PACRG: variants seen among roughly 807,000 people sequenced by gnomAD.
The protein encoded by PACRG is parkin coregulated gene protein.
Under a neutral mutation model 29.7 loss-of-function variants are expected in PACRG, and 29 were observed. The ratio of observed to expected loss-of-function variants is 0.98; its 90% CI spans 0.73 to 1.33. The LOEUF (loss-of-function observed/expected upper bound fraction) is 1.33. Ranked by LOEUF, PACRG falls within the 40% of genes most tolerant of loss-of-function variation. PACRG has a pLI of 0.00. For missense variants in PACRG, 279 were observed against 316.2 expected (o/e 0.88, Z 0.89); for synonymous variants, 116 against 118.7 (o/e 0.98, Z 0.15).
At chr6:163,195,274 T>C (rs1246569127) in intron 4 of PACRG, among the ~76,000 whole-genome samples, 1 of 152,216 alleles carries the variant, frequency 6.6e-6, no homozygotes, top group East Asian at 1.9e-4. Flanking sequence ...TGGCTAATTG[T>C]TTATTTCATT....
At chr6:162,885,274 TTTAA>T (rs746073059) in intron 2 of PACRG, among the ~76,000 whole-genome samples, 12 of 151,854 alleles carry the variant, frequency 7.9e-5, no homozygotes, top group Non-Finnish European at 1.5e-4. Context: ...CTCTTTTTTT[TTTAA>T]TTATTTTTTG....
intron 2 of PACRG, among the ~76,000 whole-genome samples, chr6:162,945,289 T>C (rs1386870704): frequency 6.6e-6 from 1 of 151,954 alleles, no homozygotes; most frequent in Non-Finnish European, 1.5e-5. Context: ...AAGACACATA[T>C]AGACTGCCAG....
At chr6:163,163,456 G>C (rs912231658) in intron 4 of PACRG, among the ~76,000 whole-genome samples, 1 of 152,108 alleles carries the variant, frequency 6.6e-6, no homozygotes, top group Non-Finnish European at 1.5e-5. Flanking sequence ...ATTTTTAGTA[G>C]AGGCAGGGTT....
At chr6:163,194,199 C>T (rs181151678) in intron 4 of PACRG, among the ~76,000 whole-genome samples, 9 of 152,236 alleles carry the variant, frequency 5.9e-5, no homozygotes, top group East Asian at 1.9e-4. Context: ...GTTCTGCGCC[C>T]GATTACACAT....
At chr6:162,790,799 T>G (rs1784871821) in intron 1 of PACRG, among the ~76,000 whole-genome samples, 1 of 152,220 alleles carries the variant, frequency 6.6e-6, no homozygotes, top group African/African-American at 2.4e-5. Context: ...TTGATCCCGC[T>G]ATGTATCAAA....
chr6:162,784,754 A>T (rs1248670097), intron 1 of PACRG, among the ~76,000 whole-genome samples: 1 of 152,196 alleles, frequency 6.6e-6, no homozygotes, highest in Admixed American at 6.5e-5. Flanking sequence ...AGGCAGACTC[A>T]GTGCTCACTG....
chr6:163,243,704 A>C (rs555762672), intron 4 of PACRG, among the ~76,000 whole-genome samples: 1 of 152,206 alleles, frequency 6.6e-6, no homozygotes, highest in Non-Finnish European at 1.5e-5. Flanking sequence ...AGATGCTTAG[A>C]GTCTAAAAAA....
chr6:162,731,859 G>A (rs2128248783), intron 1 of PACRG, among the ~76,000 whole-genome samples: 1 of 152,194 alleles, frequency 6.6e-6, no homozygotes, highest in South Asian at 2.1e-4. Flanking sequence ...TAATTAAGAT[G>A]GAAGTTGTTT....
intron 4 of PACRG, among the ~76,000 whole-genome samples, chr6:163,168,724 A>C (rs1778934815): frequency 2.0e-5 from 3 of 152,208 alleles, no homozygotes; most frequent in African/African-American, 7.2e-5. Context: ...GAACAAATTT[A>C]AAGTTCTTTT....
intron 4 of PACRG, among the ~76,000 whole-genome samples, chr6:163,289,094 G>T (rs1784493000): frequency 6.6e-6 from 1 of 152,288 alleles, no homozygotes; most frequent in African/African-American, 2.4e-5. Flanking sequence ...CCTGGAACTG[G>T]TCGCTGGAAA....
chr6:162,905,229 A>G (rs1490490991), intron 2 of PACRG, among the ~76,000 whole-genome samples: 1 of 152,090 alleles, frequency 6.6e-6, no homozygotes, highest in South Asian at 2.1e-4. Context: ...TTGGGAGGAG[A>G]TGTTTAAGAA....
chr6:163,077,662 C>T (rs754887406), intron 3 of PACRG, among the ~76,000 whole-genome samples: 5 of 151,914 alleles, frequency 3.3e-5, no homozygotes, highest in Non-Finnish European at 5.9e-5. Context: ...TTATTCTGAA[C>T]GTGATCATAA....
intron 4 of PACRG, among the ~76,000 whole-genome samples, chr6:163,143,054 G>C (rs1777618945): frequency 6.6e-6 from 1 of 152,166 alleles, no homozygotes; most frequent in Non-Finnish European, 1.5e-5. Context: ...GCTATCTGAA[G>C]CTTAGTTAAA....
At chr6:162,953,691 AC>A (rs760523579) in intron 2 of PACRG, among the ~76,000 whole-genome samples, 6 of 145,952 alleles carry the variant, frequency 4.1e-5, no homozygotes, top group South Asian at 4.7e-4. Flanking sequence ...TCTCTCCCTA[AC>A]CCCCCCACAC....
intron 4 of PACRG, among the ~76,000 whole-genome samples, chr6:163,125,186 T>C (rs1332896877): frequency 6.6e-6 from 1 of 152,224 alleles, no homozygotes; most frequent in Non-Finnish European, 1.5e-5. Flanking sequence ...ATTGAGTTAA[T>C]TGATTCTCCA....
intron 1 of PACRG, among the ~76,000 whole-genome samples, chr6:162,750,768 T>G (rs1778255056): frequency 1.3e-5 from 2 of 152,214 alleles, no homozygotes; most frequent in African/African-American, 4.8e-5. Flanking sequence ...AGGTACTTGC[T>G]CAGCAATATG....
intron 2 of PACRG, among the ~76,000 whole-genome samples, chr6:162,914,650 T>C (rs2128084396): frequency 6.6e-6 from 1 of 151,056 alleles, no homozygotes; most frequent in South Asian, 2.1e-4. Context: ...ATTGAATCTA[T>C]AGATCAACCT....
intron 4 of PACRG, among the ~76,000 whole-genome samples, chr6:163,127,964 T>G (rs185076237): frequency 6.6e-6 from 1 of 152,380 alleles, no homozygotes; most frequent in East Asian, 1.9e-4. Flanking sequence ...GAATATGTAC[T>G]ATGTATTTTT....
chr6:163,160,100 A>G (rs1778495669), intron 4 of PACRG, among the ~76,000 whole-genome samples: 1 of 152,160 alleles, frequency 6.6e-6, no homozygotes, highest in African/African-American at 2.4e-5. Context: ...TATCAAAGAC[A>G]TTACTCTGCA....
Sources: allele counts gnomAD v4.1 joint callset (sites outside exome capture counted in the v4.1 genomes callset), GRCh38; gene constraint gnomAD v4.1.1; transcripts MANE v1.5; gene names NCBI Gene and HGNC (gene_info 2026-07-23, HGNC 2026-07-21).